The following MMP13 variants were observed in gnomAD, a reference collection of about 807,000 sequenced individuals.
The protein encoded by MMP13 is matrix metallopeptidase 13.
MMP13 carries 45 observed loss-of-function variants against 52.1 expected under a neutral mutation model. The ratio of observed to expected loss-of-function variants is 0.86; its 90% CI spans 0.68 to 1.11. The LOEUF (loss-of-function observed/expected upper bound fraction) is 1.11. Among genes scored for constraint, MMP13 ranks in the 50% least tolerant of loss-of-function variants. The pLI is 0.00. For synonymous variants in MMP13, 200 were observed against 204.4 expected (o/e 0.98, Z 0.18); for missense variants, 576 against 583.8 (o/e 0.99, Z 0.14).
intron 9 of MMP13, 150 bp from the exon 10 acceptor site, chr11:102,944,516 C>T: frequency 3.8e-6 from 2 of 528,844 alleles, no homozygotes; most frequent in Non-Finnish European, 6.6e-6. Context: ...ATAGTTGTTC[C>T]TTTTTAAATT....
Position 102,950,362 on chromosome 11 carries a change from C to T in MMP13, c.800-135G>A, listed in dbSNP as rs148789257. On this transcript the variant is annotated intron_variant, in intron 5 of 9. Transcript: ENST00000260302. ...GGAAAAGCTGTAGGTCCTGGGGCTC[C>T]TACATCATGGTGCAAGTACCGTGTA... 8.1e-4 allele frequency: 646 copies of T among 793,286 alleles called. 3 individuals are homozygous for T. The African/African-American group carries it at 9.4e-3, about 11-fold the overall frequency. The allele number at this position is 793,286 out of a possible 1,614,324, so 49.1% of individuals were successfully genotyped here. A position where few individuals can be genotyped will look rare whatever the true frequency, so the allele number is the denominator to read the frequency against.
chr11:102,951,416 G>T (rs144303300), intron 5 of MMP13, among the ~76,000 whole-genome samples: 30 of 152,226 alleles, frequency 2.0e-4, no homozygotes, highest in African/African-American at 7.0e-4. Context: ...GTGTTTGGAG[G>T]ATATCAAATG....
At position 102,945,702 on chromosome 11, in the gene MMP13, A is replaced by C; in HGVS notation, c.1259T>G (p.Ile420Arg). The C allele has an allele frequency of 6.2e-7, 1 of 1,605,078 alleles. No homozygotes were observed. The highest frequency in any genetic ancestry group is 8.5e-7 in the Non-Finnish European group (1 of 1,172,754). The change falls in exon 9 of 10, where the codon ATA becomes AGA. Residue 420 changes from isoleucine to arginine, a missense_variant. Ile to Arg is a moderately conservative substitution (Grantham distance 97). Coordinates refer to ENST00000260302, the MANE Select transcript of MMP13 (RefSeq NM_002427.4). ...ACCAATTCCTGGGAAGTCTTCTTCT[A>C]TTAGTCTCGGATAGTCTTTATCCAT... Reference protein sequence around the residue: ...HIMDKDYPRLIEEDFPGIGDK... With the variant: ...HIMDKDYPRLREEDFPGIGDK...
In MMP13 at chr11:102,947,919, G is replaced by A; in HGVS notation, c.1183C>T (p.Leu395Phe). The A allele has an allele frequency of 6.2e-7, 1 of 1,613,944 alleles. No homozygotes were observed. The highest frequency in any genetic ancestry group is 8.5e-7 in the Non-Finnish European group (1 of 1,179,888). ...AVHFEDTGKT[L>F]LFSGNQVWRY... ...CAGACCTGGTTTCCTGAGAACAGGA[G>A]AGTCTTGCCTGTATCCTCAAAGTGA... The change falls in exon 8 of 10, where the codon CTC (leucine) becomes TTC (phenylalanine). Residue 395 changes from leucine (L) to phenylalanine (F), a missense_variant. Transcript: ENST00000260302.
chr11:102,950,041 G>A (rs1188672154), intron 6 of MMP13, 69 bp downstream of exon 6: 1 of 1,304,872 alleles, frequency 7.7e-7, no homozygotes, highest in Non-Finnish European at 1.1e-6. Flanking sequence ...AGGATGTTTT[G>A]GCAATATGCA....
Position 102,955,492 on chromosome 11 carries a change from C to A in MMP13, c.122G>T (p.Arg41Leu). Reference sequence around the variant, plus strand: ...AGGATGGTAGTATGATCTCAGGTAGCGCTAGAAAAGACACCAAAATGAACT... The same window carrying A: ...AGGATGGTAGTATGATCTCAGGTAGAGCTAGAAAAGACACCAAAATGAACT... ...LSEEDLQFAE[R>L]YLRSYYHPTN... The change falls in exon 2 of 10, where the codon CGC becomes CTC. Residue 41 changes from arginine to leucine, a missense_variant and splice_region_variant. Physicochemically the swap from Arg to Leu is moderately radical, Grantham distance 102. Coordinates refer to ENST00000260302, the MANE Select transcript of MMP13 (RefSeq NM_002427.4). This position sits in a 1 kb window ranked among gnomAD's most constrained non-coding sequence, Gnocchi z 4.9. The A allele has an allele frequency of 6.2e-7, 1 of 1,613,904 alleles. No individual in the cohort carries two copies.
Position 102,955,263 on chromosome 11 carries a change from A to G in MMP13, c.351T>C (p.Asn117=), listed in dbSNP as rs750487115. 1.2e-6 allele frequency: 2 copies of G among 1,613,798 alleles called. No individual in the cohort carries two copies. The highest frequency in any genetic ancestry group is 2.7e-5 in the African/African-American group (2 of 74,932). The change falls in exon 2 of 10, where the codon AAT becomes AAC. Residue 117 remains asparagine (N), a synonymous_variant. Transcript: ENST00000260302. This position sits in a 1 kb window ranked among gnomAD's most constrained non-coding sequence, Gnocchi z 4.9. ...FPRTLKWSKM[N]LTYRIVNYTP... ...AGCCTATGATTTACCTGTAGGTTAA[A>G]TTCATTTTGGACCATTTAAGAGTTC...
chr11:102,951,886 T>C (rs1194901924), intron 5 of MMP13, 126 bp downstream of exon 5: 2 of 951,056 alleles, frequency 2.1e-6, no homozygotes, highest in Non-Finnish European at 3.4e-6. Flanking sequence ...TTATGAAACC[T>C]TTGTCATGCA....
intron 9 of MMP13, chr11:102,945,255 AAG>A: frequency 1.1e-6 from 1 of 930,824 alleles, no homozygotes; most frequent in Non-Finnish European, 1.4e-6. Flanking sequence ...AAAAAAAAAA[AAG>A]GTTGAGAACA....
intron 5 of MMP13, among the ~76,000 whole-genome samples, chr11:102,951,526 G>GA (rs1860611631): frequency 1.3e-5 from 2 of 152,144 alleles, no homozygotes; most frequent in South Asian, 4.1e-4. Context: ...GATTTGGAAA[G>GA]AAAAAATGGG....
chr11:102,954,472 G>C lies in MMP13; in HGVS notation c.497C>G (p.Ser166Cys). The C allele has an allele frequency of 1.2e-6, 2 of 1,613,570 alleles. No individual in the cohort carries two copies. The stretch of plus-strand genomic sequence containing the variant: ...TGCATCATTACCCTTAATTCCAAAA[G>C]AGATCATGATGTCAGCAATGCCATC... ...LHDGIADIMI[S>C]FGIKEHGDFY... The change falls in exon 3 of 10, where the codon TCT becomes TGT. Residue 166 changes from serine (S) to cysteine (C), a missense_variant. Coordinates refer to ENST00000260302, the MANE Select transcript of MMP13 (RefSeq NM_002427.4).
intron 8 of MMP13, 36 bp downstream of exon 8, chr11:102,947,855 A>G: frequency 1.9e-6 from 3 of 1,613,090 alleles, no homozygotes; most frequent in Non-Finnish European, 2.5e-6. Context: ...CTTTGCGGCT[A>G]TGACACAGAT....
rs1860434188 is a variant in MMP13, at chr11:102,943,056, A to G, written c.*1210T>C. On this transcript the variant is annotated 3_prime_UTR_variant, in exon 10 of 10. Transcript: ENST00000260302. Reference sequence around the variant, plus strand: ...ACACTTCCTAATACACTTTGCAAATATGCATTTCATTTTCTTTGCCTGAGT... The same window carrying G: ...ACACTTCCTAATACACTTTGCAAATGTGCATTTCATTTTCTTTGCCTGAGT... 2 of 152,220 alleles carry G rather than the reference A, an allele frequency of 1.3e-5. No individual in the cohort carries two copies. Among genetic ancestry groups the G allele is most frequent in the Admixed American group, 6.5e-5 (1 of 15,282 alleles). 9.4% of individuals were successfully genotyped at this position (152,220 alleles called of 1,614,324 possible).
chr11:102,946,937 T>C (rs565237210), intron 8 of MMP13, among the ~76,000 whole-genome samples: 1 of 152,294 alleles, frequency 6.6e-6, no homozygotes, highest in Admixed American at 6.5e-5. Context: ...GTTTCCACTT[T>C]AAACATTTAG....
chr11:102,947,852 G>C (rs1860538272), intron 8 of MMP13, 39 bp downstream of exon 8: 1 of 1,611,874 alleles, frequency 6.2e-7, no homozygotes, highest in Admixed American at 1.7e-5. Flanking sequence ...GCACTTTGCG[G>C]CTATGACACA....
chr11:102,954,499 T>C lies in MMP13; in HGVS notation c.470A>G (p.His157Arg). The change falls in exon 3 of 10, where the codon CAC becomes CGC. Residue 157 changes from histidine (H) to arginine (R), a missense_variant. Physicochemically the swap from His to Arg is conservative, Grantham distance 29 (BLOSUM62 0). Coordinates refer to ENST00000260302, the MANE Select transcript of MMP13 (RefSeq NM_002427.4). ...DVTPLNFTRL[H>R]DGIADIMISF... ...GATCATGATGTCAGCAATGCCATCG[T>C]GAAGTCTGGTAAAATTCAGAGGAGT... The C allele has an allele frequency of 6.2e-7, 1 of 1,613,738 alleles. No homozygotes were observed. Among genetic ancestry groups the C allele is most frequent in the Non-Finnish European group, 8.5e-7 (1 of 1,179,778 alleles).
chr11:102,954,144 A>G lies in MMP13; in HGVS notation c.637+12T>C. Reference sequence around the variant, plus strand: ...AATAACACATAAATGATATCTTTATAAGAAACATTACCTTTGGAACTACTT... The same window carrying G: ...AATAACACATAAATGATATCTTTATGAGAAACATTACCTTTGGAACTACTT... On this transcript the variant is annotated intron_variant, in intron 4 of 9. Coordinates refer to ENST00000260302, the MANE Select transcript of MMP13 (RefSeq NM_002427.4). 4 of 1,613,184 alleles carry G rather than the reference A, an allele frequency of 2.5e-6. No homozygotes were observed. The highest frequency in any genetic ancestry group is 3.4e-6 in the Non-Finnish European group (4 of 1,179,406).
Position 102,947,667 on chromosome 11 carries a change from TTGTG to T in MMP13, c.1211+220_1211+223del, listed in dbSNP as rs71066125. On this transcript the variant is annotated intron_variant, in intron 8 of 9. Coordinates refer to ENST00000260302, the MANE Select transcript of MMP13 (RefSeq NM_002427.4). ...GTTTGAGAAGAGGAATGTTTGAGTA[TTGTG>T]TGTGTGTGTGTGTGTGTGTGTGTGT... 0.1 allele frequency among the ~76,000 whole-genome samples: 14,557 copies of T among 144,820 alleles called. 867 individuals are homozygous for T. The highest frequency in any genetic ancestry group is 0.14 in the Non-Finnish European group (9,529 of 66,214).
At chr11:102,951,904 C>T in intron 5 of MMP13, 108 bp downstream of exon 5, 1 of 1,180,810 alleles carries the variant, frequency 8.5e-7, no homozygotes, top group Non-Finnish European at 1.3e-6. Flanking sequence ...GCATGCGCTT[C>T]ACTGTACCAA....
Sources: gnomAD v4.1 joint callset for allele counts (sites outside exome capture counted in the v4.1 genomes callset) on GRCh38, gnomAD v4.1.1 for gene constraint, Gnocchi (gnomAD v3.1) non-coding constraint, MANE v1.5 for transcripts, NCBI Gene and HGNC (gene_info 2026-07-23, HGNC 2026-07-21) for gene names.